The following CNDP1 variants were observed in gnomAD, a reference collection of about 807,000 sequenced individuals.
CNDP1 encodes beta-Ala-His dipeptidase.
CNDP1 carries 44 observed loss-of-function variants against 58.1 expected under a neutral mutation model. The ratio of observed to expected loss-of-function variants is 0.76; its 90% CI spans 0.60 to 0.97. The LOEUF is 0.97. CNDP1 is among the 50% of genes least tolerant of loss of function. The pLI, the probability that CNDP1 is intolerant of heterozygous loss-of-function variation, is 0.00. For missense variants in CNDP1, 616 were observed against 655.1 expected (o/e 0.94, Z 0.65); for synonymous variants, 254 against 252.6 (o/e 1.01, Z -0.05).
rs771558069 is a variant in CNDP1 at position 74,560,976 on chromosome 18, G to T, written c.424G>T (p.Asp142Tyr). Residue 142 changes from aspartate (D) to tyrosine (Y), a missense_variant, in exon 4 of 12, where the codon GAT (aspartate) becomes TAT (tyrosine). Physicochemically the swap from Asp to Tyr is radical, Grantham distance 160. Transcript: ENST00000358821. Reference protein sequence around the residue: ...HLDVQPADRGDGWLTDPYVLT... With the variant: ...HLDVQPADRGYGWLTDPYVLT... ...GGACGTGCAGCCTGCTGACCGGGGC[G>T]ATGGGTGGCTCACGGACCCCTATGT... 2.0e-5 allele frequency: 32 copies of T among 1,614,008 alleles called. No homozygotes were observed. Among genetic ancestry groups the T allele is most frequent in the Admixed American group, 5.0e-5 (3 of 60,002 alleles).
chr18:74,571,566 G>C (rs1981481057), intron 7 of CNDP1, among the ~76,000 whole-genome samples: 1 of 152,192 alleles, frequency 6.6e-6, no homozygotes, highest in Admixed American at 6.5e-5. Context: ...AAGACTGACA[G>C]GCCACCCTGA....
At position 74,583,640 on chromosome 18, in the gene CNDP1, G is replaced by C; in HGVS notation, c.1389G>C (p.Lys463Asn). 6.2e-7 allele frequency: 1 copy of C among 1,614,164 alleles called. No homozygotes were observed. The highest frequency in any genetic ancestry group is 8.5e-7 in the Non-Finnish European group (1 of 1,180,004). Residue 463 changes from lysine (K) to asparagine (N), a missense_variant, in exon 11 of 12, where the codon AAG becomes AAC. Transcript: ENST00000358821. Reference protein sequence around the residue: ...IAKMFQEIVHKSVVLIPLGAV... With the variant: ...IAKMFQEIVHNSVVLIPLGAV... ...AAATGTTCCAGGAGATCGTCCACAA[G>C]AGCGTGGTGCTAATTCCGCTGGGAG... is the stretch of plus-strand genomic sequence containing the variant.
intron 6 of CNDP1, among the ~76,000 whole-genome samples, chr18:74,569,640 T>G (rs777027634): frequency 2.0e-5 from 3 of 152,118 alleles, no homozygotes; most frequent in Non-Finnish European, 2.9e-5. Context: ...TCCACACATG[T>G]TTGTGTCATT....
In CNDP1 at chr18:74,542,232, G is replaced by A. The variant is rs183409159; in HGVS notation, c.24+7541G>A. Among the ~76,000 whole-genome samples the A allele has an allele frequency of 3.2e-3, 481 of 152,374 alleles. 3 individuals are homozygous for A. The highest frequency in any genetic ancestry group is 0.011 in the African/African-American group (459 of 41,590). ...TGTCCCTGCTGACAGGGTGAGGTTT[G>A]CTTGTTGAGCTCCTGGTGTCAAGGC... On this transcript the variant is annotated intron_variant, in intron 1 of 11. Transcript: ENST00000358821.
intron 6 of CNDP1, among the ~76,000 whole-genome samples, chr18:74,567,958 C>T (rs1364301531): frequency 6.6e-6 from 1 of 152,184 alleles, no homozygotes; most frequent in East Asian, 1.9e-4. Flanking sequence ...GCCTTGGTTT[C>T]CCACCTTGAA....
chr18:74,572,337 C>G (rs1981499856), intron 7 of CNDP1, among the ~76,000 whole-genome samples: 1 of 152,102 alleles, frequency 6.6e-6, no homozygotes, highest in African/African-American at 2.4e-5. Context: ...AGGGGCCTCA[C>G]TTACAGGAGC....
At chr18:74,574,886 G>A (rs963398104) in intron 7 of CNDP1, 2 of 151,994 alleles carry the variant, frequency 1.3e-5, no homozygotes, top group Non-Finnish European at 2.9e-5. Flanking sequence ...ATATTAAAAG[G>A]GAAAGGAAGG....
Position 74,545,978 on chromosome 18 carries a change from C to G in CNDP1, c.25-10360C>G, listed in dbSNP as rs1057206100. Among the ~76,000 whole-genome samples, 1 of 152,130 alleles carries G rather than the reference C, an allele frequency of 6.6e-6. No individual in the cohort carries two copies. The highest frequency in any genetic ancestry group is 2.1e-4 in the South Asian group (1 of 4,826). ...CCCATTGGAAACACGCTTTTGCCTCCGAGGAACTCAAAGCCCAGCCTTGTC... is the reference window on the plus strand; with the variant it reads ...CCCATTGGAAACACGCTTTTGCCTCGGAGGAACTCAAAGCCCAGCCTTGTC... On this transcript the variant is annotated intron_variant, in intron 1 of 11. Transcript: ENST00000358821. The surrounding 1 kb of genome is among the most constrained non-coding windows in gnomAD (Gnocchi z 4.1).
At chr18:74,567,524 A>G in intron 6 of CNDP1, 91 bp downstream of exon 6, 2 of 1,194,934 alleles carry the variant, frequency 1.7e-6, no homozygotes, top group Non-Finnish European at 2.5e-6. Flanking sequence ...AGGAAGAAAG[A>G]AAGCTTTCCT....
chr18:74,561,047 G>T lies in CNDP1; in HGVS notation c.466+29G>T, dbSNP rs779851907. On this transcript the variant is annotated intron_variant, in intron 4 of 11. Transcript: ENST00000358821. The stretch of plus-strand genomic sequence containing the variant: ...AGTGAGGCGCCCGGGCTACAGTGCG[G>T]TGCTGCTGTGCTTGCAAGATTGAAG... 7.6e-5 allele frequency: 122 copies of T among 1,596,456 alleles called. 1 individual carries two copies. The highest frequency in any genetic ancestry group is 1.7e-6 in the Non-Finnish European group (2 of 1,166,830).
chr18:74,578,164 A>G lies in CNDP1; in HGVS notation c.1004A>G (p.Glu335Gly), dbSNP rs768638957. ...RVEKFLFDTK[E>G]EILMHLWRYP... ...TTGGATAATTTTATTTTAATATAGG[A>G]GGAGATTCTAATGCACCTCTGGAGG... is the stretch of plus-strand genomic sequence containing the variant. Residue 335 changes from glutamate to glycine, a missense_variant and splice_region_variant, in exon 9 of 12, where the codon GAG becomes GGG. Transcript: ENST00000358821. 1.9e-6 allele frequency: 3 copies of G among 1,603,908 alleles called. No individual in the cohort carries two copies. In the East Asian group the frequency reaches 6.7e-5, roughly 36 times the overall value.
chr18:74,550,346 A>C (rs1211767735), intron 1 of CNDP1, among the ~76,000 whole-genome samples: 2 of 152,204 alleles, frequency 1.3e-5, no homozygotes, highest in Non-Finnish European at 1.5e-5. Context: ...GCTGGGTTTT[A>C]CACTTGCATG....
At chr18:74,562,230 G>A in intron 5 of CNDP1, 95 bp downstream of exon 5, 1 of 1,069,702 alleles carries the variant, frequency 9.3e-7, no homozygotes. Flanking sequence ...ACTGCCTTAG[G>A]TCACTTACTC....
At chr18:74,539,539 T>A (rs17089373) in intron 1 of CNDP1, among the ~76,000 whole-genome samples, 1,878 of 151,872 alleles carry the variant, frequency 0.012, 36 homozygotes, top group African/African-American at 0.04. Context: ...AGCCAGGGAG[T>A]TTCCCCACCT....
chr18:74,534,763 G>C, intron 1 of CNDP1, 72 bp downstream of exon 1: 1 of 1,573,096 alleles, frequency 6.4e-7, no homozygotes, highest in Non-Finnish European at 8.7e-7. Context: ...GAGCATGTGC[G>C]TTAAGCCCAG....
At chr18:74,558,223 G>A (rs1281649652) in intron 2 of CNDP1, among the ~76,000 whole-genome samples, 1 of 152,074 alleles carries the variant, frequency 6.6e-6, no homozygotes, top group Non-Finnish European at 1.5e-5. Context: ...AATGCTGATT[G>A]TCTCAGTATG....
At chr18:74,546,506 C>A (rs1980764265) in intron 1 of CNDP1, among the ~76,000 whole-genome samples, 1 of 152,028 alleles carries the variant, frequency 6.6e-6, no homozygotes, top group African/African-American at 2.4e-5. Context: ...TCTCGTGCCA[C>A]CCCCCTTAAG....
At chr18:74,565,001 A>G (rs1981291530) in intron 5 of CNDP1, among the ~76,000 whole-genome samples, 1 of 152,246 alleles carries the variant, frequency 6.6e-6, no homozygotes, top group Non-Finnish European at 1.5e-5. Context: ...TTGGACTTAC[A>G]GTTCCATATG....
chr18:74,555,194 C>A (rs1244607161), intron 1 of CNDP1, among the ~76,000 whole-genome samples: 1 of 152,166 alleles, frequency 6.6e-6, no homozygotes, highest in Non-Finnish European at 1.5e-5. Context: ...ATTCCAGAGA[C>A]AAAAATAACA....
Sources: gnomAD v4.1 joint callset for allele counts (sites outside exome capture counted in the v4.1 genomes callset) on GRCh38, gnomAD v4.1.1 for gene constraint, Gnocchi (gnomAD v3.1) non-coding constraint, MANE v1.5 for transcripts, NCBI Gene and HGNC (gene_info 2026-07-23, HGNC 2026-07-21) for gene names.